RTL9: variants seen among roughly 807,000 people sequenced by gnomAD.
The protein encoded by RTL9 is retrotransposon Gag like 9.
In RTL9, 19 loss-of-function variants were observed where a neutral mutation model predicts 44.7. That is an observed-to-expected ratio of 0.42 (90% CI 0.30 to 0.62). The LOEUF (loss-of-function observed/expected upper bound fraction) is 0.62. RTL9 is among the 20% of genes least tolerant of loss of function. RTL9 has a pLI of 0.16. For synonymous variants in RTL9, 407 were observed against 398.9 expected (o/e 1.02, Z -0.24); for missense variants, 1,105 against 1,080.6 (o/e 1.02, Z -0.32).
chrX:110,400,004 C>A (rs1188300211), intron 1 of RTL9, among the ~76,000 whole-genome samples: 1 of 110,643 alleles, frequency 9.0e-6, no homozygotes, highest in Admixed American at 9.7e-5. Context: ...CAACCGACTT[C>A]ATTATAGCAA....
At chrX:110,416,939 C>T (rs1046667981), upstream of RTL9, among the ~76,000 whole-genome samples, 1 of 112,050 alleles carries the variant, frequency 8.9e-6, no homozygotes, top group African/African-American at 3.2e-5. Context: ...AGCTTTCTCC[C>T]GATATCTTCA....
intron 1 of RTL9, among the ~76,000 whole-genome samples, chrX:110,389,876 A>C (rs1158697318): frequency 8.9e-6 from 1 of 112,151 alleles, no homozygotes; most frequent in Non-Finnish European, 1.9e-5. Flanking sequence ...TCTGAAAAGA[A>C]AAGGCTGAGA....
At chrX:110,394,379 G>A (rs1333486377) in intron 1 of RTL9, among the ~76,000 whole-genome samples, 1 of 111,338 alleles carries the variant, frequency 9.0e-6, no homozygotes, top group Non-Finnish European at 1.9e-5. Context: ...AGCCTCCTGA[G>A]TAGCTGTGAC....
At chrX:110,400,479 G>A (rs2068556866) in intron 1 of RTL9, among the ~76,000 whole-genome samples, 1 of 109,894 alleles carries the variant, frequency 9.1e-6, no homozygotes, top group African/African-American at 3.3e-5. Context: ...CAGAAGTGTC[G>A]CTCAGTAATA....
intron 1 of RTL9, among the ~76,000 whole-genome samples, chrX:110,442,247 C>CTCTCTCTCTCTCTGTG (rs1556214261): frequency 1.0e-5 from 1 of 97,036 alleles, no homozygotes; most frequent in African/African-American, 3.9e-5. Flanking sequence ...CTCTCTCTCT[C>CTCTCTCTCTCTCTGTG]TGTGTGTGTG....
In RTL9 at chrX:110,451,653, A is replaced by T. The variant is rs2068941821; in HGVS notation, c.1036A>T (p.Met346Leu). Residue 346 changes from methionine to leucine, a missense_variant, in exon 1 of 2, where the codon ATG becomes TTG. Physicochemically the swap from Met to Leu is conservative, Grantham distance 15 (BLOSUM62 2). Coordinates refer to ENST00000540313, the Ensembl canonical transcript of RTL9. ...AAAGCCAGCTCCAGATGCTGAAGCA[A>T]TGTCCCCAGCACTAATGACGGCCCT... 2.5e-6 allele frequency: 3 copies of T among 1,211,702 alleles called. No homozygotes were observed. The East Asian group carries it at 8.9e-5, about 36-fold the overall frequency.
At chrX:110,394,686 G>C (rs1022589757) in intron 1 of RTL9, among the ~76,000 whole-genome samples, 1 of 112,863 alleles carries the variant, frequency 8.9e-6, no homozygotes, top group Non-Finnish European at 1.9e-5. Context: ...AGGCTGGTTG[G>C]AGGACGAGGA....
intron 1 of RTL9, among the ~76,000 whole-genome samples, chrX:110,420,601 A>G (rs540185362): frequency 8.9e-6 from 1 of 112,103 alleles, no homozygotes; most frequent in South Asian, 3.7e-4. Flanking sequence ...ACTTAAACAA[A>G]CTTTCAGTGT....
intron 1 of RTL9, among the ~76,000 whole-genome samples, chrX:110,413,688 T>C (rs747933515): frequency 4.1e-4 from 45 of 110,279 alleles, no homozygotes; most frequent in Non-Finnish European, 7.8e-4. Context: ...CCCTACCATC[T>C]ACACCTTGCT....
intron 1 of RTL9, among the ~76,000 whole-genome samples, chrX:110,429,724 C>T (rs1205122724): frequency 1.8e-5 from 2 of 111,257 alleles, no homozygotes; most frequent in African/African-American, 6.6e-5. Flanking sequence ...TCAAGTGTTC[C>T]ACCTGTCTCG....
chrX:110,413,860 T>A (rs755037465), intron 1 of RTL9, among the ~76,000 whole-genome samples: 2 of 111,594 alleles, frequency 1.8e-5, no homozygotes, highest in Admixed American at 9.5e-5. Flanking sequence ...CTAATATGTA[T>A]GTGCCAGGCA....
upstream of RTL9, among the ~76,000 whole-genome samples, chrX:110,414,608 A>G (rs904587535): frequency 8.8e-6 from 1 of 113,045 alleles, no homozygotes; most frequent in Admixed American, 9.3e-5. Flanking sequence ...ACGTGACACA[A>G]TTTGTATGTG....
At chrX:110,430,158 G>T (rs144429437) in intron 1 of RTL9, among the ~76,000 whole-genome samples, 58 of 112,544 alleles carry the variant, frequency 5.2e-4, no homozygotes, top group Non-Finnish European at 8.3e-4. Context: ...TGATCCCAGG[G>T]CTTAACTCAG....
At chrX:110,407,010 A>G (rs1244707812) in intron 1 of RTL9, among the ~76,000 whole-genome samples, 1 of 111,603 alleles carries the variant, frequency 9.0e-6, no homozygotes, top group Non-Finnish European at 1.9e-5. Context: ...TGGCACCTGG[A>G]TGATTGATTG....
In RTL9 at chrX:110,452,527, C is replaced by T. The variant is rs146389599; in HGVS notation, c.1910C>T (p.Ser637Phe). 4.3e-5 allele frequency: 52 copies of T among 1,210,188 alleles called. No homozygotes were observed. The African/African-American group carries it at 8.4e-4, about 20-fold the overall frequency. Residue 637 changes from serine (S) to phenylalanine (F), a missense_variant, in exon 1 of 2, where the codon TCT (serine) becomes TTT (phenylalanine). Transcript: ENST00000540313. The stretch of plus-strand genomic sequence containing the variant: ...ACGGAGAAAATGACAACCACAGCTT[C>T]TGAAGCAATGCCCACACTGCTAATG...
At chrX:110,371,533 G>GC (rs1485892907) in intron 1 of RTL9, among the ~76,000 whole-genome samples, 1 of 110,611 alleles carries the variant, frequency 9.0e-6, no homozygotes, top group Admixed American at 9.6e-5. Flanking sequence ...ACTCCCCCCA[G>GC]CCCCCCACTA....
At chrX:110,451,030 T>C (rs1431156298) in exon 1 of RTL9, 2 of 1,211,920 alleles carry the variant, frequency 1.7e-6, no homozygotes, top group South Asian at 3.5e-5. Flanking sequence ...TATGGGGTAA[T>C]GTCCCCAGGG....
chrX:110,406,422 C>A (rs976639671), intron 1 of RTL9, among the ~76,000 whole-genome samples: 1 of 111,728 alleles, frequency 9.0e-6, no homozygotes, highest in African/African-American at 3.3e-5. Context: ...CATGTCCCTG[C>A]AAAGGACGTG....
At chrX:110,377,248 G>A (rs746200772) in intron 1 of RTL9, among the ~76,000 whole-genome samples, 3 of 111,645 alleles carry the variant, frequency 2.7e-5, no homozygotes, top group South Asian at 3.8e-4. Context: ...GCCCAGTAGC[G>A]CTATATGCAT....
Sources: allele counts gnomAD v4.1 joint callset (sites outside exome capture counted in the v4.1 genomes callset), GRCh38; gene constraint gnomAD v4.1.1; transcripts MANE v1.5; gene names NCBI Gene and HGNC (gene_info 2026-07-23, HGNC 2026-07-21).